The following NSMAF variants were observed in gnomAD, a reference collection of about 807,000 sequenced individuals.
NSMAF encodes neutral sphingomyelinase activation associated factor.
NSMAF carries 90 observed loss-of-function variants against 134.9 expected under a neutral mutation model. That is an observed-to-expected ratio of 0.67 (90% CI 0.56 to 0.79). NSMAF has a LOEUF of 0.79. NSMAF is among the 30% of genes least tolerant of loss of function. The pLI, the probability that NSMAF is intolerant of heterozygous loss-of-function variation, is 0.00. For missense variants in NSMAF, 1,010 were observed against 1,119.0 expected (o/e 0.90, Z 1.39); for synonymous variants, 358 against 389.6 (o/e 0.92, Z 0.96).
At chr8:58,613,955 G>A (rs937649649) in intron 9 of NSMAF, among the ~76,000 whole-genome samples, 2 of 152,136 alleles carry the variant, frequency 1.3e-5, no homozygotes, top group African/African-American at 2.4e-5. Flanking sequence ...GACTTAAAAT[G>A]TTTGAATTAG....
intron 16 of NSMAF, 78 bp downstream of exon 16, chr8:58,601,207 C>T: frequency 8.4e-7 from 1 of 1,189,028 alleles, no homozygotes. Flanking sequence ...TTATTATATC[C>T]AGTGCTTTGA....
chr8:58,625,103 G>T (rs1225876320), intron 6 of NSMAF, among the ~76,000 whole-genome samples: 1 of 152,176 alleles, frequency 6.6e-6, no homozygotes, highest in Admixed American at 6.5e-5. Context: ...CCCAATGTGG[G>T]TGGGCCTCAT....
chr8:58,594,123 T>G (rs1806078832), intron 23 of NSMAF, 109 bp downstream of exon 23: 1 of 858,940 alleles, frequency 1.2e-6, no homozygotes, highest in Admixed American at 2.1e-5. Context: ...AAGTTTACTT[T>G]ATGTGGAGGC....
chr8:58,616,695 G>A (rs1806661541), intron 9 of NSMAF, among the ~76,000 whole-genome samples: 1 of 152,038 alleles, frequency 6.6e-6, no homozygotes, highest in South Asian at 2.1e-4. Context: ...CAAGAATGAG[G>A]CAATAATGTT....
intron 1 of NSMAF, among the ~76,000 whole-genome samples, chr8:58,654,830 C>T (rs4738699): frequency 0.51 from 77,074 of 151,874 alleles, 21,187 homozygotes; most frequent in African/African-American, 0.73. Flanking sequence ...AATTTCTTTT[C>T]TATTATGTAT....
intron 26 of NSMAF, 151 bp from the exon 27 acceptor site, chr8:58,587,852 T>A (rs1394961485): frequency 1.5e-6 from 1 of 651,192 alleles, no homozygotes; most frequent in Non-Finnish European, 2.7e-6. Flanking sequence ...CTCCTCCCTA[T>A]GCCTGCACTT....
intron 22 of NSMAF, chr8:58,594,632 G>T: frequency 3.4e-6 from 1 of 289,966 alleles, no homozygotes; most frequent in South Asian, 6.0e-5. Flanking sequence ...CTTCTTCACA[G>T]TCACTTCACT....
chr8:58,599,649 T>C, intron 18 of NSMAF, 101 bp downstream of exon 18: 1 of 1,318,608 alleles, frequency 7.6e-7, no homozygotes, highest in Non-Finnish European at 1.1e-6. Flanking sequence ...TTTAGAGAAT[T>C]ATATTGTGAT....
chr8:58,650,633 T>C (rs1027054505), intron 1 of NSMAF, among the ~76,000 whole-genome samples: 12 of 152,234 alleles, frequency 7.9e-5, no homozygotes, highest in African/African-American at 2.4e-4. Context: ...GAACTTTCAA[T>C]ATCTGCTTTC....
chr8:58,626,084 T>A (rs775696542), intron 6 of NSMAF, among the ~76,000 whole-genome samples: 1 of 135,410 alleles, frequency 7.4e-6, no homozygotes, highest in African/African-American at 2.7e-5. Context: ...AAGTCCATTA[T>A]ATAATTCTTT....
chr8:58,599,217 A>G lies in NSMAF; in HGVS notation c.1585+15T>C, dbSNP rs892590228. On this transcript the variant is annotated intron_variant, in intron 19 of 30. Transcript: ENST00000038176. ...TCACCCAATGCTAAATAAAATTTCA[A>G]TGAATATTACATACCATTATGGGCC... 3.8e-6 allele frequency: 6 copies of G among 1,593,536 alleles called. No individual in the cohort carries two copies. The highest frequency in any genetic ancestry group is 1.8e-5 in the Admixed American group (1 of 55,834).
At chr8:58,588,505 C>T (rs746126978) in intron 26 of NSMAF, 51 of 1,187,672 alleles carry the variant, frequency 4.3e-5, no homozygotes, top group East Asian at 7.0e-5. Context: ...TTCACGAGAT[C>T]GATTCCTGAC....
At chr8:58,590,774 T>C (rs1364680884) in intron 24 of NSMAF, 93 bp downstream of exon 24, 10 of 1,267,332 alleles carry the variant, frequency 7.9e-6, no homozygotes, top group Non-Finnish European at 1.1e-5. Flanking sequence ...ATAAACTCAA[T>C]TGTTTTGGGA....
chr8:58,590,806 G>A, intron 24 of NSMAF, 61 bp downstream of exon 24: 5 of 1,450,338 alleles, frequency 3.4e-6, no homozygotes, highest in Non-Finnish European at 4.7e-6. Flanking sequence ...TTATTGTATG[G>A]GTGTGTATAA....
intron 5 of NSMAF, 120 bp downstream of exon 5, chr8:58,635,069 C>A (rs1807138336): frequency 1.3e-6 from 1 of 784,478 alleles, no homozygotes; most frequent in Admixed American, 2.5e-5. Flanking sequence ...TGACTGAATT[C>A]TAAAAGCATT....
intron 23 of NSMAF, among the ~76,000 whole-genome samples, chr8:58,592,750 G>A (rs185248764): frequency 1.5e-4 from 23 of 152,192 alleles, no homozygotes; most frequent in Non-Finnish European, 2.6e-4. Context: ...AGCCAGGCAC[G>A]ATGGTGGGTG....
intron 18 of NSMAF, 78 bp from the exon 19 acceptor site, chr8:58,599,441 T>C: frequency 6.8e-7 from 1 of 1,476,064 alleles, no homozygotes; most frequent in South Asian, 1.3e-5. Flanking sequence ...TCTATATGTA[T>C]ATAAAGCTTC....
At chr8:58,642,787 T>C (rs1807365565) in intron 2 of NSMAF, among the ~76,000 whole-genome samples, 197 bp downstream of exon 2, 1 of 152,132 alleles carries the variant, frequency 6.6e-6, no homozygotes, top group Admixed American at 6.6e-5. Flanking sequence ...GGAGATAAAA[T>C]AATAAACATA....
At chr8:58,617,989 G>A (rs1806701225) in intron 9 of NSMAF, among the ~76,000 whole-genome samples, 1 of 152,086 alleles carries the variant, frequency 6.6e-6, no homozygotes, top group African/African-American at 2.4e-5. Context: ...CCATAAAAAG[G>A]GATGAGTTCA....
Sources: gnomAD v4.1 joint callset for allele counts (sites outside exome capture counted in the v4.1 genomes callset) on GRCh38, gnomAD v4.1.1 for gene constraint, MANE v1.5 for transcripts, NCBI Gene and HGNC (gene_info 2026-07-23, HGNC 2026-07-21) for gene names.